Variants in DNHD1 observed in about 807,000 individuals in gnomAD.
DNHD1 encodes dynein heavy chain domain-containing protein 1.
A neutral mutation model predicts 458.1 loss-of-function variants in DNHD1; 383 were observed. That is an observed-to-expected ratio of 0.84 (90% CI 0.77 to 0.91). DNHD1 has a LOEUF of 0.91. Among genes scored for constraint, DNHD1 ranks in the 40% least tolerant of loss-of-function variants. DNHD1 has a pLI of 0.00. For synonymous variants in DNHD1, 2,203 were observed against 2,376.9 expected (o/e 0.93, Z 2.13); for missense variants, 5,336 against 5,866.1 (o/e 0.91, Z 2.95).
At position 6,539,907 on chromosome 11, in the gene DNHD1, CCCAAGAGACTATACGGCGGTTGCAGCGGT is replaced by C. The variant is rs1254592810; in HGVS notation, c.3453_3481del (p.Gln1152LeufsTer42). On this transcript the variant is annotated frameshift_variant, in exon 18 of 43. Coordinates refer to ENST00000254579, the MANE Select transcript of DNHD1 (RefSeq NM_144666.3). ...CAGAATGAAAATGAACGAATTCATG[CCCAAGAGACTATACGGCGGTTGCAGCGGT>C]ACTGGGAAGCGCGCCAGCTGCGCCT... 1.3e-6 allele frequency: 2 copies of C among 1,551,736 alleles called. No individual in the cohort carries two copies. The highest frequency in any genetic ancestry group is 1.7e-6 in the Non-Finnish European group (2 of 1,146,996).
chr11:6,511,217 G>A, intron 6 of DNHD1, 56 bp from the exon 7 acceptor site: 11 of 1,595,410 alleles, frequency 6.9e-6, no homozygotes, highest in African/African-American at 1.3e-5. Flanking sequence ...AGAGGTCAAA[G>A]GTATCCAAGG....
chr11:6,557,763 A>G lies in DNHD1; in HGVS notation c.8468A>G (p.Gln2823Arg), dbSNP rs1853499020. ...QEKPSDLVFSQELILGPNSET... is the reference protein window; with the variant it reads ...QEKPSDLVFSRELILGPNSET... ...AAGCCCTCAGACCTGGTCTTCAGTCAGGAGCTGATACTGGGGCCTAACTCT... is the reference window on the plus strand; with the variant it reads ...AAGCCCTCAGACCTGGTCTTCAGTCGGGAGCTGATACTGGGGCCTAACTCT... Residue 2823 changes from glutamine (Q) to arginine (R), a missense_variant, in exon 25 of 43, where the codon CAG becomes CGG. By Grantham distance (43) the Gln-to-Arg change is conservative. This residue lies in a region of DNHD1 where 3,932 missense variants were observed against 4,365.6 expected (regional missense o/e 0.90). Transcript: ENST00000254579. The G allele has an allele frequency of 3.9e-6, 6 of 1,551,628 alleles. No homozygotes were observed. The highest frequency in any genetic ancestry group is 4.4e-6 in the Non-Finnish European group (5 of 1,146,992).
At chr11:6,535,784 A>G (rs1852935158) in intron 14 of DNHD1, among the ~76,000 whole-genome samples, 1 of 152,228 alleles carries the variant, frequency 6.6e-6, no homozygotes, top group African/African-American at 2.4e-5. Flanking sequence ...ATTATTTTGC[A>G]ACCATCATGG....
At position 6,570,619 on chromosome 11, in the gene DNHD1, G is replaced by A; in HGVS notation, c.13107G>A (p.Glu4369=). The change falls in exon 42 of 43, where the codon GAG becomes GAA. Residue 4369 remains glutamate (E), a splice_region_variant and synonymous_variant. Coordinates refer to ENST00000254579, the MANE Select transcript of DNHD1 (RefSeq NM_144666.3). ...SLLATLMPLP[E]LRELDAMAEC... ...TCACCCCTCACCTCTATCCCCAAGA[G>A]CTAAGGGAGCTGGATGCAATGGCAG... The A allele has an allele frequency of 1.2e-6, 2 of 1,602,758 alleles. No homozygotes were observed. The highest frequency in any genetic ancestry group is 1.7e-6 in the Non-Finnish European group (2 of 1,173,986).
Position 6,498,712 on chromosome 11 carries a change from C to A in DNHD1, c.497C>A (p.Pro166His). ...CACAGGCCCCCATGCCCAGCTTGCC[C>A]TTTTGTGCAGGCCCAGTGGAGCAGG... The part of the protein sequence containing the change: ...LHHRPPCPAC[P>H]FVQAQWSRQQ... Residue 166 changes from proline to histidine, a missense_variant, in exon 3 of 43, where the codon CCT becomes CAT. This residue lies in a region of DNHD1 where 3,932 missense variants were observed against 4,365.6 expected (regional missense o/e 0.90). Coordinates refer to ENST00000254579, the MANE Select transcript of DNHD1 (RefSeq NM_144666.3). 1 of 1,614,198 alleles carries A rather than the reference C, an allele frequency of 6.2e-7. No individual in the cohort carries two copies. Among genetic ancestry groups the A allele is most frequent in the Non-Finnish European group, 8.5e-7 (1 of 1,180,030 alleles).
At position 6,558,644 on chromosome 11, in the gene DNHD1, G is replaced by C; in HGVS notation, c.9162G>C (p.Lys3054Asn). 1 of 1,551,510 alleles carries C rather than the reference G, an allele frequency of 6.4e-7. No homozygotes were observed. Among genetic ancestry groups the C allele is most frequent in the Non-Finnish European group, 8.7e-7 (1 of 1,147,012 alleles). ...YEPWDQAALA[K>N]VAQHHLEGAQ... ...CCTGGGACCAAGCTGCCCTGGCCAA[G>C]GTGGCCCAGCATCACCTGGAGGGTG... is the stretch of plus-strand genomic sequence containing the variant. Residue 3054 changes from lysine (K) to asparagine (N), a missense_variant, in exon 26 of 43, where the codon AAG (lysine) becomes AAC (asparagine). Physicochemically the swap from Lys to Asn is moderately conservative, Grantham distance 94. Coordinates refer to ENST00000254579, the MANE Select transcript of DNHD1 (RefSeq NM_144666.3).
At chr11:6,527,509 C>T (rs1346368167) in intron 10 of DNHD1, among the ~76,000 whole-genome samples, 2 of 152,232 alleles carry the variant, frequency 1.3e-5, no homozygotes, top group South Asian at 2.1e-4. Flanking sequence ...AGTTGGAAGA[C>T]TGCAGTTTTG....
At position 6,565,865 on chromosome 11, in the gene DNHD1, G is replaced by T. The variant is rs940245811; in HGVS notation, c.10927G>T (p.Glu3643Ter). The change falls in exon 33 of 43, where the codon GAG becomes TAG. Residue 3643 changes from glutamate to a stop codon, truncating the protein, a stop_gained. Coordinates refer to ENST00000254579, the MANE Select transcript of DNHD1 (RefSeq NM_144666.3). LOFTEE classifies it high-confidence loss of function. The part of the protein sequence containing the change: ...EQEENEEKEE[E>*]KTESQGSKPA... ...AGAGGAAAATGAAGAGAAAGAGGAG[G>T]AGAAGACAGAGAGCCAGGGGTCAAA... 1.9e-6 allele frequency: 3 copies of T among 1,551,448 alleles called. No individual in the cohort carries two copies. The highest frequency in any genetic ancestry group is 3.9e-5 in the Admixed American group (2 of 50,984).
At position 6,571,818 on chromosome 11, in the gene DNHD1, C is replaced by T. The variant is rs775684941; in HGVS notation, c.14094C>T (p.Ala4698=). The T allele has an allele frequency of 1.9e-6, 3 of 1,614,024 alleles. No homozygotes were observed. The highest frequency in any genetic ancestry group is 1.7e-5 in the Admixed American group (1 of 60,022). Residue 4698 remains alanine (A), a synonymous_variant, in exon 43 of 43, where the codon GCC becomes GCT. Coordinates refer to ENST00000254579, the MANE Select transcript of DNHD1 (RefSeq NM_144666.3). The surrounding 1 kb of genome is among the most constrained non-coding windows in gnomAD (Gnocchi z 5.0). ...TQAPGTSDLP[A]PADLTVYSCP... ...CCCCGGGCACCAGTGACCTGCCAGC[C>T]CCAGCCGACCTGACTGTGTACTCGT...
chr11:6,551,600 T>G (rs1263187567), intron 24 of DNHD1, among the ~76,000 whole-genome samples: 1 of 152,210 alleles, frequency 6.6e-6, no homozygotes, highest in Admixed American at 6.5e-5. Context: ...ACATAAATTT[T>G]GAATATCAGG....
intron 31 of DNHD1, 45 bp from the exon 32 acceptor site, chr11:6,564,288 C>A (rs1371696965): frequency 6.7e-7 from 1 of 1,493,652 alleles, no homozygotes; most frequent in South Asian, 1.3e-5. Context: ...TGCCTGCACC[C>A]TCCTCACTGG....
At chr11:6,544,533 C>G (rs1173351834) in intron 19 of DNHD1, 41 bp from the exon 20 acceptor site, 1 of 1,490,452 alleles carries the variant, frequency 6.7e-7, no homozygotes, top group Non-Finnish European at 9.1e-7. Context: ...AAGGTAGAAC[C>G]CTAGTGTTTC....
At chr11:6,514,820 A>G (rs1158925594) in intron 7 of DNHD1, among the ~76,000 whole-genome samples, 1 of 152,166 alleles carries the variant, frequency 6.6e-6, no homozygotes. Flanking sequence ...ATAGAATACC[A>G]AAGACTGGGT....
At chr11:6,569,562 AG>A (rs1258147136) in intron 39 of DNHD1, among the ~76,000 whole-genome samples, 1 of 152,152 alleles carries the variant, frequency 6.6e-6, no homozygotes, top group African/African-American at 2.4e-5. Flanking sequence ...AAGTAGAAGA[AG>A]AAACAATATC....
Position 6,508,880 on chromosome 11 carries a change from G to A in DNHD1, c.921G>A (p.Arg307=), listed in dbSNP as rs1182078460. 5 of 1,613,494 alleles carry A rather than the reference G, an allele frequency of 3.1e-6. No homozygotes were observed. Among genetic ancestry groups the A allele is most frequent in the Non-Finnish European group, 4.2e-6 (5 of 1,179,934 alleles). The change falls in exon 5 of 43, where the codon AGG becomes AGA. Residue 307 remains arginine, a splice_region_variant and synonymous_variant. Coordinates refer to ENST00000254579, the MANE Select transcript of DNHD1 (RefSeq NM_144666.3). ...ACTGATCAGAGCTCTTTTTTTAAAG[G>A]CCTTACAGCCTGATGGTGGTGCCAC... ...YLNVAPSRYF[R]PYSLMVVPPD...
intron 24 of DNHD1, among the ~76,000 whole-genome samples, chr11:6,549,464 C>T (rs549430235): frequency 6.9e-4 from 105 of 152,320 alleles, no homozygotes; most frequent in Non-Finnish European, 1.2e-3. Context: ...TCTTACAAAG[C>T]TTTCTGTGAT....
rs1852273469 is a variant in DNHD1 at position 6,508,665 on chromosome 11, T to G, written c.921-215T>G. ...TTCTTGGAGCTGGCTAGGTGCCTTT[T>G]TCTTTCTTCCCATCTACCTTTGGCT... On this transcript the variant is annotated intron_variant, in intron 4 of 42. Transcript: ENST00000254579. The G allele has an allele frequency of 9.2e-6, 5 of 546,076 alleles. No individual in the cohort carries two copies. The South Asian group carries it at 1.2e-4, about 13-fold the overall frequency. 33.8% of individuals were successfully genotyped at this position (546,076 alleles called of 1,614,324 possible). A position where few individuals can be genotyped will look rare whatever the true frequency, so the allele number is the denominator to read the frequency against.
In DNHD1 at chr11:6,568,187, C is replaced by G; in HGVS notation, c.12483C>G (p.Pro4161=). 1 of 1,552,648 alleles carries G rather than the reference C, an allele frequency of 6.4e-7. No homozygotes were observed. Among genetic ancestry groups the G allele is most frequent in the Middle Eastern group, 1.7e-4 (1 of 5,986 alleles). Reference sequence around the variant, plus strand: ...TGCTGGACAACTGTCATCTGATGCCCCATTGGCCGAAAGAGCTGCTACAGC... The same window carrying G: ...TGCTGGACAACTGTCATCTGATGCCGCATTGGCCGAAAGAGCTGCTACAGC... ...WLVLDNCHLM[P]HWPKELLQLL... The change falls in exon 37 of 43, where the codon CCC becomes CCG. Residue 4161 remains proline (P), a synonymous_variant. Coordinates refer to ENST00000254579, the MANE Select transcript of DNHD1 (RefSeq NM_144666.3).
rs762942301 is a variant in DNHD1 at position 6,546,407 on chromosome 11, G to A, written c.5468G>A (p.Arg1823Gln). The A allele has an allele frequency of 3.9e-6, 6 of 1,551,900 alleles. No individual in the cohort carries two copies. The highest frequency in any genetic ancestry group is 1.7e-4 in the Middle Eastern group (1 of 6,018). ...CCTGCCAACCTGCACCTGCTGCTGCGGCCTGTGGCATTGGCATTGCCTGAT... is the reference window on the plus strand; with the variant it reads ...CCTGCCAACCTGCACCTGCTGCTGCAGCCTGTGGCATTGGCATTGCCTGAT... The part of the protein sequence containing the change: ...AVPANLHLLL[R>Q]PVALALPDLR... The change falls in exon 21 of 43, where the codon CGG (arginine) becomes CAG (glutamine). Residue 1823 changes from arginine (R) to glutamine (Q), a missense_variant. By Grantham distance (43) the Arg-to-Gln change is conservative. Around this residue, in one of 4 missense-constraint regions of DNHD1, gnomAD observed 3,932 missense variants for 4,365.6 expected, o/e 0.90. Coordinates refer to ENST00000254579, the MANE Select transcript of DNHD1 (RefSeq NM_144666.3).
Sources: allele counts gnomAD v4.1 joint callset (sites outside exome capture counted in the v4.1 genomes callset), GRCh38; gene constraint gnomAD v4.1.1; regional missense constraint gnomAD v4.1.1; non-coding constraint Gnocchi (gnomAD v3.1); transcripts MANE v1.5; gene names NCBI Gene and HGNC (gene_info 2026-07-23, HGNC 2026-07-21).